The following ARSG variants were observed in gnomAD, a reference collection of about 807,000 sequenced individuals.
ARSG encodes ASG.
Under a neutral mutation model 50.5 loss-of-function variants are expected in ARSG, and 37 were observed. That is an observed-to-expected ratio of 0.73 (90% CI 0.56 to 0.96). The LOEUF is 0.96. Ranked by LOEUF, ARSG falls within the 50% of genes least tolerant of loss-of-function variation. ARSG has a pLI of 0.00. For synonymous variants in ARSG, 225 were observed against 254.6 expected, an observed-to-expected ratio of 0.88 and a Z score of 1.11; for missense variants, 629 against 675.3, an observed-to-expected ratio of 0.93 and a Z score of 0.76.
At chr17:68,277,569 A>G (rs541218068) in intron 1 of ARSG, among the ~76,000 whole-genome samples, 2 of 152,302 alleles carry the variant, frequency 1.3e-5, no homozygotes, top group South Asian at 2.1e-4. Flanking sequence ...ACTGAGGATT[A>G]CAAGTGCAAA....
chr17:68,271,754 A>G lies in ARSG; in HGVS notation c.-552+12328A>G. ...AAGAAATATGGATCCAGATTTTGTT[A>G]TAAGTTCTGTGGAAATTTATTATAC... On this transcript the variant is annotated intron_variant, in intron 1 of 11. Coordinates refer to the ARSG transcript ENST00000448504. The surrounding 1 kb of genome is among the most constrained non-coding windows in gnomAD (Gnocchi z 5.3). The G allele has an allele frequency of 1.1e-6, 1 of 886,644 alleles. No homozygotes were observed. Among genetic ancestry groups the G allele is most frequent in the South Asian group, 1.8e-5 (1 of 56,888 alleles). 54.9% of individuals were successfully genotyped at this position (886,644 alleles called of 1,614,324 possible).
At chr17:68,332,510 T>C (rs190521454) in intron 2 of ARSG, among the ~76,000 whole-genome samples, 3 of 152,264 alleles carry the variant, frequency 2.0e-5, no homozygotes, top group Admixed American at 6.5e-5. Flanking sequence ...AGAGTATTGA[T>C]TGGGGAAGTG....
chr17:68,421,337 A>T (rs2082756085), downstream of ARSG: 1 of 162,926 alleles, frequency 6.1e-6, no homozygotes, highest in Admixed American at 5.9e-5. Flanking sequence ...GTAATAAATG[A>T]TTTATTCCAG....
intron 9 of ARSG, 89 bp from the exon 10 acceptor site, chr17:68,394,984 T>C (rs1229300553): frequency 6.3e-7 from 1 of 1,574,832 alleles, no homozygotes; most frequent in Non-Finnish European, 8.7e-7. Flanking sequence ...GGGTGCTTGC[T>C]CTGGGCTGGT....
rs181193390 is a variant in ARSG, at chr17:68,391,764, C to T, written c.1092-3309C>T. 9.9e-4 allele frequency among the ~76,000 whole-genome samples: 151 copies of T among 152,258 alleles called. 1 individual carries two copies. Among genetic ancestry groups the T allele is most frequent in the Middle Eastern group, 3.4e-3 (1 of 294 alleles). On this transcript the variant is annotated intron_variant, in intron 9 of 11. Transcript: ENST00000621439. ...CTCTGGACAGGTTTCTGGACTGTTC[C>T]GTGCTCTGCGAGTGCTGACTCTGCA... is the stretch of plus-strand genomic sequence containing the variant.
intron 2 of ARSG, among the ~76,000 whole-genome samples, chr17:68,336,037 T>G (rs1423420934): frequency 2.6e-5 from 4 of 152,074 alleles, no homozygotes; most frequent in Non-Finnish European, 2.9e-5. Flanking sequence ...TAGCTGGGAC[T>G]ACAGACACCC....
chr17:68,377,321 C>T (rs2080200179), intron 8 of ARSG, among the ~76,000 whole-genome samples: 1 of 152,242 alleles, frequency 6.6e-6, no homozygotes, highest in Non-Finnish European at 1.5e-5. Flanking sequence ...CTCTCACGCA[C>T]ACCTTGTTAT....
At chr17:68,438,430 G>A in the ARSG span, among the ~76,000 whole-genome samples, 1 of 152,216 alleles carries the variant, frequency 6.6e-6, no homozygotes, top group African/African-American at 2.4e-5. Context: ...GTGAAACTGG[G>A]GAGGGAAGGC....
At chr17:68,308,769 C>T (rs1008557779) in intron 2 of ARSG, among the ~76,000 whole-genome samples, 18 of 151,808 alleles carry the variant, frequency 1.2e-4, no homozygotes, top group Admixed American at 5.2e-4. Context: ...TACAGAGTGC[C>T]GATTGGTGTA....
At chr17:68,418,015 C>A (rs2082503139) in intron 11 of ARSG, among the ~76,000 whole-genome samples, 2 of 152,058 alleles carry the variant, frequency 1.3e-5, no homozygotes, top group Admixed American at 6.6e-5. Context: ...CAGGCGTGAG[C>A]CACCACACCC....
chr17:68,326,548 C>A (rs141656323), intron 2 of ARSG, among the ~76,000 whole-genome samples: 325 of 152,290 alleles, frequency 2.1e-3, no homozygotes, highest in African/African-American at 7.7e-3. Context: ...GCCTATAGTC[C>A]CAGCTACTTG....
At chr17:68,364,010 C>T (rs867976314) in intron 6 of ARSG, among the ~76,000 whole-genome samples, 1 of 152,180 alleles carries the variant, frequency 6.6e-6, no homozygotes, top group African/African-American at 2.4e-5. Flanking sequence ...GCCCTGCCTT[C>T]ACCTCCAGGC....
chr17:68,394,975 G>A, intron 9 of ARSG, 98 bp from the exon 10 acceptor site: 1 of 1,543,138 alleles, frequency 6.5e-7, no homozygotes, highest in Non-Finnish European at 8.8e-7. Flanking sequence ...AGAGGCTGTG[G>A]GTGCTTGCTC....
At chr17:68,322,480 G>A (rs968215697) in intron 2 of ARSG, among the ~76,000 whole-genome samples, 1 of 152,294 alleles carries the variant, frequency 6.6e-6, no homozygotes, top group Admixed American at 6.5e-5. Context: ...AGCTGGGCAT[G>A]GTGTTGCGTG....
chr17:68,420,322 G>A lies in ARSG; in HGVS notation c.1437G>A (p.Leu479=), dbSNP rs1188851669. The A allele has an allele frequency of 6.2e-7, 1 of 1,614,138 alleles. No homozygotes were observed. The highest frequency in any genetic ancestry group is 8.5e-7 in the Non-Finnish European group (1 of 1,180,026). ...ERGGAEYQAV[L]PEVRKVLADV... is the part of the protein sequence containing the mutation. Reference sequence around the variant, plus strand: ...GTGGTGCGGAGTACCAGGCTGTGCTGCCCGAGGTCAGAAAGGTTCTTGCAG... The same window carrying A: ...GTGGTGCGGAGTACCAGGCTGTGCTACCCGAGGTCAGAAAGGTTCTTGCAG... Residue 479 remains leucine, a synonymous_variant, in exon 12 of 12, where the codon CTG becomes CTA. Transcript: ENST00000621439.
intron 1 of ARSG, among the ~76,000 whole-genome samples, chr17:68,292,687 A>T (rs1294883985): frequency 6.6e-6 from 1 of 152,072 alleles, no homozygotes; most frequent in Non-Finnish European, 1.5e-5. Context: ...CTGAATTTTA[A>T]TAAAAATCCT....
At chr17:68,278,041 A>C in intron 1 of ARSG, 2 of 1,305,042 alleles carry the variant, frequency 1.5e-6, no homozygotes, top group Non-Finnish European at 2.2e-6. Flanking sequence ...TAGCCAAATT[A>C]AAAGGGCCCT....
intron 11 of ARSG, among the ~76,000 whole-genome samples, chr17:68,416,732 T>G (rs1482481158): frequency 2.0e-5 from 3 of 152,192 alleles, no homozygotes; most frequent in Admixed American, 6.5e-5. Context: ...AGCTCTGAAT[T>G]TCTTTCTTCT....
intron 5 of ARSG, among the ~76,000 whole-genome samples, chr17:68,356,161 C>T (rs968710344): frequency 6.6e-6 from 1 of 152,230 alleles, no homozygotes; most frequent in African/African-American, 2.4e-5. Context: ...GGATCACAGG[C>T]ATGAGCCACT....
Sources: gnomAD v4.1 joint callset for allele counts (sites outside exome capture counted in the v4.1 genomes callset) on GRCh38, gnomAD v4.1.1 for gene constraint, Gnocchi (gnomAD v3.1) non-coding constraint, MANE v1.5 for transcripts, NCBI Gene and HGNC (gene_info 2026-07-23, HGNC 2026-07-21) for gene names.